The following PTPRZ1 variants were observed in gnomAD, a reference collection of about 807,000 sequenced individuals.
The protein encoded by PTPRZ1 is protein tyrosine phosphatase receptor type Z1.
In PTPRZ1, 82 loss-of-function variants were observed where a neutral mutation model predicts 214.1. That is an observed-to-expected ratio of 0.38 (90% confidence interval 0.32 to 0.46). PTPRZ1 has a LOEUF of 0.46. PTPRZ1 is among the 20% of genes least tolerant of loss of function. The pLI is 1.00. For missense variants in PTPRZ1, 2,603 were observed against 2,748.7 expected (o/e 0.95, Z 1.19); for synonymous variants, 945 against 987.9 (o/e 0.96, Z 0.81).
At chr7:122,051,334 GGTGTGT>G in intron 23 of PTPRZ1, 88 bp from the exon 24 acceptor site, 2 of 682,580 alleles carry the variant, frequency 2.9e-6, no homozygotes, top group South Asian at 2.6e-5. Context: ...TATCTTGATT[GGTGTGT>G]GTGTGTGTGT....
At position 122,044,482 on chromosome 7, in the gene PTPRZ1, G is replaced by C. The variant is rs767349872; in HGVS notation, c.5998G>C (p.Val2000Leu). 1.9e-6 allele frequency: 3 copies of C among 1,613,862 alleles called. No homozygotes were observed. The Admixed American group carries it at 5.0e-5, about 27-fold the overall frequency. The change falls in exon 23 of 30, where the codon GTG (valine) becomes CTG (leucine). Residue 2000 changes from valine to leucine, a missense_variant. By Grantham distance (32) the Val-to-Leu change is conservative. Coordinates refer to ENST00000393386, the MANE Select transcript of PTPRZ1 (RefSeq NM_002851.3). The stretch of plus-strand genomic sequence containing the variant: ...GGCCATACTTAGTAAAGAAACTGAG[G>C]TGCTGGACAGTCATATTCATGCCTA... ...VEAILSKETE[V>L]LDSHIHAYVN...
chr7:122,005,665 C>T (rs560427200), intron 11 of PTPRZ1, among the ~76,000 whole-genome samples: 10 of 151,890 alleles, frequency 6.6e-5, no homozygotes, highest in African/African-American at 2.4e-4. Context: ...TATATACACA[C>T]ACATACAAGC....
intron 3 of PTPRZ1, among the ~76,000 whole-genome samples, chr7:121,970,799 T>C (rs1259428623): frequency 6.6e-6 from 1 of 152,194 alleles, no homozygotes. Context: ...AGAAGCTCTT[T>C]AGTTTAATTA....
At chr7:121,978,354 G>A (rs767572303) in intron 6 of PTPRZ1, among the ~76,000 whole-genome samples, 18 of 152,130 alleles carry the variant, frequency 1.2e-4, no homozygotes, top group Non-Finnish European at 2.2e-4. Flanking sequence ...TTTTCACACT[G>A]AGAGTAAGTG....
intron 1 of PTPRZ1, among the ~76,000 whole-genome samples, chr7:121,916,134 C>T (rs750737998): frequency 1.3e-5 from 2 of 151,850 alleles, no homozygotes; most frequent in Admixed American, 6.6e-5. Context: ...ATTAACTGGG[C>T]GTCATGGTGT....
chr7:122,055,096 A>C lies in PTPRZ1; in HGVS notation c.6528+9A>C. 6.6e-7 allele frequency: 1 copy of C among 1,524,150 alleles called. No homozygotes were observed. The highest frequency in any genetic ancestry group is 8.9e-7 in the Non-Finnish European group (1 of 1,126,158). The allele number at this position is 1,524,150 out of a possible 1,614,324, so 94.4% of individuals were successfully genotyped here. ...TCTTAGAAGCTACACAGGTAAGGAT[A>C]TAAGTTAAATGACAAACTTTTTATC... On this transcript the variant is annotated intron_variant, in intron 27 of 29. Transcript: ENST00000393386.
At chr7:121,940,422 A>G (rs1211111456) in intron 2 of PTPRZ1, among the ~76,000 whole-genome samples, 8 of 152,272 alleles carry the variant, frequency 5.3e-5, no homozygotes, top group Non-Finnish European at 1.2e-4. Context: ...ATGGACTTGG[A>G]TGTATTTTAA....
intron 13 of PTPRZ1, among the ~76,000 whole-genome samples, chr7:122,024,274 C>A (rs1799139946): frequency 6.6e-6 from 1 of 150,846 alleles, no homozygotes; most frequent in Non-Finnish European, 1.5e-5. Flanking sequence ...TTTTTGAAAG[C>A]TTTTTTAAGA....
rs73717750 is a variant in PTPRZ1, at chr7:121,909,832, T to G, written c.59-18324T>G. ...GGAGTTAAATTACAGAAGAGATAGC[T>G]GAAAGAATTGAAAATGTGACCTGTG... On this transcript the variant is annotated intron_variant, in intron 1 of 29. Coordinates refer to ENST00000393386, the MANE Select transcript of PTPRZ1 (RefSeq NM_002851.3). Among the ~76,000 whole-genome samples, 834 of 152,226 alleles carry G rather than the reference T, an allele frequency of 5.5e-3. 4 individuals carry two copies. The highest frequency in any genetic ancestry group is 0.019 in the African/African-American group (804 of 41,552).
chr7:122,006,343 T>G (rs1337744175), intron 11 of PTPRZ1, among the ~76,000 whole-genome samples: 4 of 152,072 alleles, frequency 2.6e-5, no homozygotes, highest in Non-Finnish European at 5.9e-5. Context: ...AACTTATTAT[T>G]CCTATCTAGC....
chr7:122,040,175 A>G (rs997914992), intron 20 of PTPRZ1, among the ~76,000 whole-genome samples: 1 of 152,156 alleles, frequency 6.6e-6, no homozygotes, highest in Non-Finnish European at 1.5e-5. Flanking sequence ...CCCTGACACA[A>G]TCCCAATATT....
At chr7:121,946,239 T>C (rs528899913) in intron 2 of PTPRZ1, among the ~76,000 whole-genome samples, 1 of 152,358 alleles carries the variant, frequency 6.6e-6, no homozygotes, top group East Asian at 1.9e-4. Context: ...AGCCACTGTT[T>C]GGCCGCATGG....
intron 17 of PTPRZ1, 76 bp downstream of exon 17, chr7:122,034,454 A>G: frequency 7.5e-7 from 1 of 1,338,366 alleles, no homozygotes; most frequent in Non-Finnish European, 1.1e-6. Flanking sequence ...TCCTGAAGTC[A>G]TCTGAGAGCT....
intron 2 of PTPRZ1, among the ~76,000 whole-genome samples, chr7:121,963,328 C>T (rs1196215901): frequency 4.6e-5 from 7 of 152,192 alleles, no homozygotes; most frequent in Admixed American, 4.6e-4. Context: ...CAAAAACTGG[C>T]ACTAGGGAGA....
chr7:121,875,464 G>C (rs918797097), intron 1 of PTPRZ1, among the ~76,000 whole-genome samples: 1 of 152,130 alleles, frequency 6.6e-6, no homozygotes, highest in Admixed American at 6.6e-5. Context: ...TCTCTGTAAA[G>C]CATTATTTGT....
intron 6 of PTPRZ1, among the ~76,000 whole-genome samples, chr7:121,980,266 AT>A (rs1443594337): frequency 2.0e-5 from 3 of 152,182 alleles, no homozygotes; most frequent in Non-Finnish European, 4.4e-5. Context: ...TTCATGAAAT[AT>A]TTGTAAGATA....
intron 12 of PTPRZ1, among the ~76,000 whole-genome samples, chr7:122,016,397 T>C (rs551827023): frequency 1.3e-5 from 2 of 152,188 alleles, no homozygotes; most frequent in East Asian, 3.9e-4. Context: ...GATATTTTAG[T>C]CTCAAATAAA....
intron 1 of PTPRZ1, among the ~76,000 whole-genome samples, chr7:121,920,577 T>C (rs973012990): frequency 6.6e-6 from 1 of 152,166 alleles, no homozygotes; most frequent in Non-Finnish European, 1.5e-5. Flanking sequence ...AAATTCACTG[T>C]TATAGACATA....
At chr7:121,989,744 T>C (rs1020810872) in intron 8 of PTPRZ1, among the ~76,000 whole-genome samples, 4 of 152,214 alleles carry the variant, frequency 2.6e-5, no homozygotes, top group Non-Finnish European at 5.9e-5. Context: ...GAGGATTGTA[T>C]TTATATTCAG....
Sources: allele counts gnomAD v4.1 joint callset (sites outside exome capture counted in the v4.1 genomes callset), GRCh38; gene constraint gnomAD v4.1.1; transcripts MANE v1.5; gene names NCBI Gene and HGNC (gene_info 2026-07-23, HGNC 2026-07-21).